The following CRYBG3 variants were observed in gnomAD, a reference collection of about 807,000 sequenced individuals.
CRYBG3 encodes the protein very large A-kinase anchor protein.
In CRYBG3, 127 loss-of-function variants were observed where a neutral mutation model predicts 244.2. The observed-to-expected ratio is 0.52, with a 90% CI of 0.45 to 0.60. The LOEUF is 0.60. Among genes scored for constraint, CRYBG3 ranks in the 20% least tolerant of loss-of-function variants. The pLI, the probability that CRYBG3 is intolerant of heterozygous loss-of-function variation, is 0.00. For synonymous variants in CRYBG3, 1,132 were observed against 1,195.8 expected, an observed-to-expected ratio of 0.95 and a Z score of 1.10; for missense variants, 3,325 against 3,442.5, an observed-to-expected ratio of 0.97 and a Z score of 0.85.
intron 21 of CRYBG3, chr3:97,942,673 T>C (rs2040257992): frequency 2.5e-6 from 1 of 394,232 alleles, no homozygotes; most frequent in East Asian, 4.2e-5. Context: ...AAACTTTCAT[T>C]TGCTACGTGA....
At position 97,877,096 on chromosome 3, in the gene CRYBG3, A is replaced by G; in HGVS notation, c.5902A>G (p.Thr1968Ala). The G allele has an allele frequency of 6.2e-7, 1 of 1,612,510 alleles. No individual in the cohort carries two copies. Among genetic ancestry groups the G allele is most frequent in the Non-Finnish European group, 8.5e-7 (1 of 1,179,118 alleles). The part of the protein sequence containing the change: ...TVRLDKRMSL[T>A]AIYDKRRETD... Reference sequence around the variant, plus strand: ...AAGACTAGACAAAAGAATGTCTCTTACTGCAATATATGACAAGAGGAGAGA... The same window carrying G: ...AAGACTAGACAAAAGAATGTCTCTTGCTGCAATATATGACAAGAGGAGAGA... Residue 1968 changes from threonine to alanine, a missense_variant, in exon 4 of 22, where the codon ACT becomes GCT. Around this residue, in one of 4 missense-constraint regions of CRYBG3, gnomAD observed 450 missense variants for 424.1 expected, o/e 1.06. Transcript: ENST00000389622.
intron 2 of CRYBG3, among the ~76,000 whole-genome samples, chr3:97,849,105 A>G (rs1408178140): frequency 2.6e-5 from 4 of 152,168 alleles, no homozygotes; most frequent in Admixed American, 6.5e-5. Flanking sequence ...ACCTCTCTGA[A>G]TCCTGGTTTA....
chr3:97,871,851 T>C lies in CRYBG3; in HGVS notation c.657T>C (p.Asp219=), dbSNP rs2039306240. Residue 219 remains aspartate (D), a synonymous_variant, in exon 4 of 22, where the codon GAT becomes GAC. Coordinates refer to ENST00000389622, the MANE Select transcript of CRYBG3 (RefSeq NM_153605.4). ...TGCTTTCTTTTTACAGACAAATCGA[T>C]GGTAAACCAGAGAAGCCTTCAGTAA... ...QETTNLLKQI[D]GKPEKPSVTY... is the part of the protein sequence containing the mutation. The C allele has an allele frequency of 6.7e-7, 1 of 1,495,940 alleles. No homozygotes were observed. The highest frequency in any genetic ancestry group is 2.4e-5 in the Admixed American group (1 of 41,138). 92.7% of individuals were successfully genotyped at this position (1,495,940 alleles called of 1,614,324 possible). A position where few individuals can be genotyped will look rare whatever the true frequency, so the allele number is the denominator to read the frequency against.
In CRYBG3 at chr3:97,943,257, T is replaced by G. The variant is rs748304854; in HGVS notation, c.8856T>G (p.Ile2952Met). 2.3e-5 allele frequency: 36 copies of G among 1,591,720 alleles called. No homozygotes were observed. In the South Asian group the frequency reaches 3.1e-4, roughly 14 times the overall value. ...GGNYCDKTHVIVNQPLEGEET... is the reference protein window; with the variant it reads ...GGNYCDKTHVMVNQPLEGEET... ...ATTATTGTGACAAGACTCATGTAAT[T>G]GTAAATCAGCCCCTGGAGGGAGAAG... Residue 2952 changes from isoleucine to methionine, a missense_variant, in exon 22 of 22, where the codon ATT becomes ATG. By Grantham distance (10) the Ile-to-Met change is conservative. Around this residue, in one of 4 missense-constraint regions of CRYBG3, gnomAD observed 714 missense variants for 803.6 expected, o/e 0.89. Coordinates refer to ENST00000389622, the MANE Select transcript of CRYBG3 (RefSeq NM_153605.4).
intron 2 of CRYBG3, among the ~76,000 whole-genome samples, chr3:97,847,431 C>T (rs1483024596): frequency 6.6e-6 from 1 of 152,216 alleles, no homozygotes; most frequent in Non-Finnish European, 1.5e-5. Context: ...AATTAAGTCA[C>T]TTGACACAAC....
At chr3:97,923,238 A>G (rs900019823) in intron 17 of CRYBG3, among the ~76,000 whole-genome samples, 8 of 152,120 alleles carry the variant, frequency 5.3e-5, no homozygotes, top group African/African-American at 1.4e-4. Flanking sequence ...ACCTAATGTA[A>G]ATGACAAGTT....
Position 97,872,318 on chromosome 3 carries a change from A to G in CRYBG3, c.1124A>G (p.Asn375Ser). The change falls in exon 4 of 22, where the codon AAC becomes AGC. Residue 375 changes from asparagine to serine, a missense_variant. Coordinates refer to ENST00000389622, the MANE Select transcript of CRYBG3 (RefSeq NM_153605.4). ...AGTTGTGAACCGGTTTCTCAGACTA[A>G]CAGAAATTTGGTATGTTCAGCATTG... Reference protein sequence around the residue: ...HLSCEPVSQTNRNLVCSALLT... With the variant: ...HLSCEPVSQTSRNLVCSALLT... 6.5e-7 allele frequency: 1 copy of G among 1,536,012 alleles called. No homozygotes were observed. Among genetic ancestry groups the G allele is most frequent in the Non-Finnish European group, 8.7e-7 (1 of 1,146,840 alleles).
chr3:97,920,134 AT>A (rs1448278857), intron 17 of CRYBG3, among the ~76,000 whole-genome samples: 2 of 152,206 alleles, frequency 1.3e-5, no homozygotes, highest in African/African-American at 4.8e-5. Flanking sequence ...GATGCATTTT[AT>A]ATTTATTCAA....
intron 7 of CRYBG3, among the ~76,000 whole-genome samples, chr3:97,885,299 G>A (rs988328354): frequency 2.0e-5 from 3 of 152,102 alleles, no homozygotes; most frequent in Non-Finnish European, 2.9e-5. Context: ...TTGGGGAAAA[G>A]TTGAAAAATC....
intron 2 of CRYBG3, among the ~76,000 whole-genome samples, chr3:97,857,417 GTTT>G (rs1284270197): frequency 2.3e-5 from 3 of 131,008 alleles, no homozygotes; most frequent in Non-Finnish European, 3.3e-5. Flanking sequence ...ATTTCCTTAA[GTTT>G]TTTTTTTTTT....
At chr3:97,921,711 T>C (rs2039986669) in intron 17 of CRYBG3, among the ~76,000 whole-genome samples, 1 of 152,178 alleles carries the variant, frequency 6.6e-6, no homozygotes, top group South Asian at 2.1e-4. Flanking sequence ...TAATAGCATA[T>C]ATAGACAGGA....
At chr3:97,861,601 A>G (rs1282510364) in intron 2 of CRYBG3, among the ~76,000 whole-genome samples, 1 of 152,192 alleles carries the variant, frequency 6.6e-6, no homozygotes, top group African/African-American at 2.4e-5. Flanking sequence ...TTCATCAGTA[A>G]CATTCATATA....
At chr3:97,938,167 C>T (rs916438472) in intron 19 of CRYBG3, among the ~76,000 whole-genome samples, 5 of 119,558 alleles carry the variant, frequency 4.2e-5, no homozygotes, top group African/African-American at 1.1e-4. Context: ...GAATTATTAT[C>T]CCCATTTTCT....
intron 17 of CRYBG3, among the ~76,000 whole-genome samples, chr3:97,930,195 C>T (rs1036052437): frequency 6.6e-6 from 1 of 152,068 alleles, no homozygotes; most frequent in South Asian, 2.1e-4. Flanking sequence ...CCAGCCAGCT[C>T]TTCTCTGGGG....
Position 97,824,879 on chromosome 3 carries a change from A to G in CRYBG3, c.149+2524A>G, listed in dbSNP as rs151318074. Among the ~76,000 whole-genome samples the G allele has an allele frequency of 6.2e-3, 940 of 152,328 alleles. 12 individuals carry two copies. The highest frequency in any genetic ancestry group is 0.022 in the African/African-American group (894 of 41,568). Reference sequence around the variant, plus strand: ...ATCCCAGTTTGAGAATCACTGGTGCAGTGTTAAGCCCAGTTTATAAGCATA... The same window carrying G: ...ATCCCAGTTTGAGAATCACTGGTGCGGTGTTAAGCCCAGTTTATAAGCATA... On this transcript the variant is annotated intron_variant, in intron 1 of 21. Transcript: ENST00000389622.
Position 97,876,108 on chromosome 3 carries a change from T to A in CRYBG3, c.4914T>A (p.Pro1638=). ...ATATTGGCAAAATTGAGGTGATACC[T>A]ATGATGCCAGAAGTGAAAAATATCC... The part of the protein sequence containing the change: ...EGDIGKIEVI[P]MMPEVKNIHQ... Residue 1638 remains proline (P), a synonymous_variant, in exon 4 of 22, where the codon CCT becomes CCA. Transcript: ENST00000389622. The A allele has an allele frequency of 8.1e-7, 1 of 1,231,938 alleles. No individual in the cohort carries two copies. Among genetic ancestry groups the A allele is most frequent in the Non-Finnish European group, 1.0e-6 (1 of 987,878 alleles). 76.3% of individuals were successfully genotyped at this position (1,231,938 alleles called of 1,614,324 possible).
intron 1 of CRYBG3, among the ~76,000 whole-genome samples, chr3:97,827,384 A>G (rs542252759): frequency 6.6e-6 from 1 of 152,332 alleles, no homozygotes; most frequent in South Asian, 2.1e-4. Context: ...TGATGCTGTT[A>G]GAGAACAAAT....
At position 97,874,648 on chromosome 3, in the gene CRYBG3, G is replaced by T. The variant is rs1452530901; in HGVS notation, c.3454G>T (p.Ala1152Ser). 2 of 1,535,942 alleles carry T rather than the reference G, an allele frequency of 1.3e-6. No homozygotes were observed. The highest frequency in any genetic ancestry group is 2.7e-5 in the African/African-American group (2 of 73,040). Residue 1152 changes from alanine (A) to serine (S), a missense_variant, in exon 4 of 22, where the codon GCA becomes TCA. Around this residue, in one of 4 missense-constraint regions of CRYBG3, gnomAD observed 1,526 missense variants for 1,443.2 expected, o/e 1.06. Transcript: ENST00000389622. ...TAAQFDNLVE[A>S]ETGAVAGPAA... ...TGCCCAATTTGACAATCTCGTGGAA[G>T]CAGAGACTGGAGCAGTTGCTGGGCC... is the stretch of plus-strand genomic sequence containing the variant.
chr3:97,832,948 A>G (rs1436853085), intron 1 of CRYBG3, among the ~76,000 whole-genome samples: 1 of 152,254 alleles, frequency 6.6e-6, no homozygotes, highest in Non-Finnish European at 1.5e-5. Flanking sequence ...TATGCGGCCA[A>G]TGAGCATATG....
Sources: gnomAD v4.1 joint callset for allele counts (sites outside exome capture counted in the v4.1 genomes callset) on GRCh38, gnomAD v4.1.1 for gene constraint, gnomAD v4.1.1 regional missense constraint, MANE v1.5 for transcripts, NCBI Gene and HGNC (gene_info 2026-07-23, HGNC 2026-07-21) for gene names.